The following GABRB1 variants were observed in gnomAD, a reference collection of about 807,000 sequenced individuals.
GABRB1 encodes the protein gamma-aminobutyric acid receptor subunit beta-1.
In GABRB1, 17 loss-of-function variants were observed where a neutral mutation model predicts 51.6. The observed-to-expected ratio is 0.33, with a 90% CI of 0.23 to 0.49. The LOEUF (loss-of-function observed/expected upper bound fraction) is 0.49, where lower values mean the gene tolerates loss of function less well. GABRB1 is among the 20% of genes least tolerant of loss of function. The pLI, the probability that GABRB1 is intolerant of heterozygous loss-of-function variation, is 0.99. For synonymous variants in GABRB1, 247 were observed against 218.9 expected (o/e 1.13, Z -1.14); for missense variants, 410 against 600.6 (o/e 0.68, Z 3.32).
intron 3 of GABRB1, among the ~76,000 whole-genome samples, chr4:47,096,828 A>G (rs1714462454): frequency 6.6e-6 from 1 of 152,132 alleles, no homozygotes; most frequent in South Asian, 2.1e-4. Flanking sequence ...GTCACTAGAG[A>G]CTACAAAAGG....
chr4:47,085,267 A>T (rs1015077425), intron 3 of GABRB1, among the ~76,000 whole-genome samples: 4 of 152,178 alleles, frequency 2.6e-5, no homozygotes, highest in African/African-American at 9.7e-5. Context: ...CCAAATATAC[A>T]ATATTTTTCC....
chr4:47,045,823 T>C (rs772634407), intron 3 of GABRB1, among the ~76,000 whole-genome samples: 40 of 152,066 alleles, frequency 2.6e-4, no homozygotes, highest in Non-Finnish European at 4.3e-4. Flanking sequence ...GAACACACAT[T>C]CAGTCTATAG....
At chr4:47,048,279 G>A (rs2109502130) in intron 3 of GABRB1, among the ~76,000 whole-genome samples, 1 of 152,120 alleles carries the variant, frequency 6.6e-6, no homozygotes, top group Non-Finnish European at 1.5e-5. Flanking sequence ...CTCTCTTCTT[G>A]GAACGACTAA....
chr4:47,406,982 G>A, intron 8 of GABRB1, 56 bp downstream of exon 8: 2 of 1,532,182 alleles, frequency 1.3e-6, no homozygotes, highest in Non-Finnish European at 8.9e-7. Flanking sequence ...GCATCATGAT[G>A]CCTCGGGCTC....
chr4:47,225,933 T>G (rs1720931420), intron 4 of GABRB1, among the ~76,000 whole-genome samples: 1 of 152,162 alleles, frequency 6.6e-6, no homozygotes. Flanking sequence ...TAAATAGGGT[T>G]AAATCTAACT....
intron 4 of GABRB1, among the ~76,000 whole-genome samples, chr4:47,281,544 A>G (rs1296176660): frequency 6.6e-6 from 1 of 152,140 alleles, no homozygotes; most frequent in Non-Finnish European, 1.5e-5. Context: ...TCATTTCTGG[A>G]TATATATCCA....
chr4:47,304,085 A>C (rs1354285777), intron 4 of GABRB1, among the ~76,000 whole-genome samples: 1 of 152,038 alleles, frequency 6.6e-6, no homozygotes, highest in Non-Finnish European at 1.5e-5. Flanking sequence ...AGTTGATTCC[A>C]TATCCTTGCA....
intron 5 of GABRB1, among the ~76,000 whole-genome samples, chr4:47,398,567 GAGAGAGAGAGAC>G (rs1401619948): frequency 3.3e-5 from 5 of 152,100 alleles, no homozygotes; most frequent in East Asian, 1.9e-4. Context: ...TAGAGAGAGA[GAGAGAGAGAGAC>G]AGAGAGAGAG....
At chr4:47,169,798 G>A (rs1361855997) in intron 4 of GABRB1, among the ~76,000 whole-genome samples, 3 of 152,132 alleles carry the variant, frequency 2.0e-5, no homozygotes, top group Non-Finnish European at 2.9e-5. Flanking sequence ...CACCGTGCCC[G>A]GCCTTGAAAG....
chr4:47,191,120 T>C (rs1157636545), intron 4 of GABRB1, among the ~76,000 whole-genome samples: 1 of 152,134 alleles, frequency 6.6e-6, no homozygotes. Context: ...AAAGAAAAGA[T>C]GATCAGCAGA....
intron 4 of GABRB1, among the ~76,000 whole-genome samples, chr4:47,224,791 G>T (rs1022336735): frequency 2.4e-4 from 36 of 152,194 alleles, no homozygotes; most frequent in African/African-American, 8.7e-4. Flanking sequence ...CCTTTTCTTT[G>T]AGACATTTCT....
intron 4 of GABRB1, among the ~76,000 whole-genome samples, chr4:47,311,411 CAAAAAAA>C (rs71276540): frequency 1.7e-3 from 78 of 46,360 alleles, no homozygotes; most frequent in Non-Finnish European, 2.9e-3. Context: ...GACTCTGTCT[CAAAAAAA>C]AAAAAAAAAA....
At chr4:47,154,114 G>A (rs116359069) in intron 3 of GABRB1, among the ~76,000 whole-genome samples, 4,806 of 152,122 alleles carry the variant, frequency 0.032, 103 homozygotes, top group Non-Finnish European at 0.047. Flanking sequence ...ACTTAATGGT[G>A]ACAGTGAAAA....
At chr4:47,153,403 C>T (rs1395603969) in intron 3 of GABRB1, among the ~76,000 whole-genome samples, 2 of 151,964 alleles carry the variant, frequency 1.3e-5, no homozygotes, top group African/African-American at 2.4e-5. Context: ...GAATGTAAGC[C>T]ATTTAGGCTG....
At chr4:47,070,235 C>T (rs1172204648) in intron 3 of GABRB1, among the ~76,000 whole-genome samples, 1 of 151,998 alleles carries the variant, frequency 6.6e-6, no homozygotes, top group East Asian at 1.9e-4. Context: ...GTGGTTTCAC[C>T]ATATTGGTTA....
intron 3 of GABRB1, 47 bp downstream of exon 3, chr4:47,032,531 G>A: frequency 6.4e-7 from 1 of 1,550,852 alleles, no homozygotes; most frequent in Non-Finnish European, 8.9e-7. Flanking sequence ...ACGCAGATGG[G>A]AAATGGACAG....
intron 5 of GABRB1, among the ~76,000 whole-genome samples, chr4:47,401,840 CATCTATCTATCT>C (rs748902414): frequency 2.4e-5 from 1 of 41,494 alleles, no homozygotes; most frequent in Non-Finnish European, 5.0e-5. Flanking sequence ...ATCTATCTAT[CATCTATCTATCT>C]ATCTATCTAT....
intron 3 of GABRB1, among the ~76,000 whole-genome samples, chr4:47,076,791 C>G (rs1727571604): frequency 6.6e-6 from 1 of 152,124 alleles, no homozygotes; most frequent in Admixed American, 6.6e-5. Flanking sequence ...AGCCATTTTC[C>G]CCAACAGATC....
At chr4:47,389,578 T>C (rs886066335) in intron 5 of GABRB1, among the ~76,000 whole-genome samples, 1 of 152,218 alleles carries the variant, frequency 6.6e-6, no homozygotes, top group Non-Finnish European at 1.5e-5. Context: ...CATTTTGCCT[T>C]TAACTGTGAG....
Sources: gnomAD v4.1 joint callset for allele counts (sites outside exome capture counted in the v4.1 genomes callset) on GRCh38, gnomAD v4.1.1 for gene constraint, MANE v1.5 for transcripts, NCBI Gene and HGNC (gene_info 2026-07-23, HGNC 2026-07-21) for gene names.